The following SUCLG2 variants were observed in gnomAD, a reference collection of about 807,000 sequenced individuals.
The protein encoded by SUCLG2 is succinate--CoA ligase [GDP-forming] subunit beta, mitochondrial.
A neutral mutation model predicts 47.9 loss-of-function variants in SUCLG2; 42 were observed. That is an observed-to-expected ratio of 0.88 (90% confidence interval 0.69 to 1.14). SUCLG2 has a LOEUF of 1.14. SUCLG2 is among the 50% of genes most tolerant of loss of function. SUCLG2 has a pLI of 0.00. For missense variants in SUCLG2, 571 were observed against 525.9 expected (o/e 1.09, Z -0.84); for synonymous variants, 195 against 197.3 (o/e 0.99, Z 0.10).
At chr3:67,393,667 C>T (rs1230876446) in intron 10 of SUCLG2, among the ~76,000 whole-genome samples, 3 of 152,208 alleles carry the variant, frequency 2.0e-5, no homozygotes, top group Non-Finnish European at 4.4e-5. Flanking sequence ...TTGAAGAGAG[C>T]AGTGGTTCTC....
At chr3:67,394,699 C>G (rs1305332039) in intron 10 of SUCLG2, among the ~76,000 whole-genome samples, 1 of 151,090 alleles carries the variant, frequency 6.6e-6, no homozygotes, top group African/African-American at 2.4e-5. Flanking sequence ...TCGAGAAGAG[C>G]AACTCCAAGA....
intron 2 of SUCLG2, among the ~76,000 whole-genome samples, chr3:67,542,153 C>T (rs1250473970): frequency 1.3e-5 from 2 of 152,078 alleles, no homozygotes; most frequent in African/African-American, 2.4e-5. Context: ...GGATTACAGG[C>T]GTGAGCCACC....
At chr3:67,446,600 CT>C (rs58758029) in intron 9 of SUCLG2, among the ~76,000 whole-genome samples, 299 of 139,840 alleles carry the variant, frequency 2.1e-3, no homozygotes, top group Middle Eastern at 7.1e-3. Flanking sequence ...TGGCTAATTT[CT>C]TTTTTTTTTT....
intron 6 of SUCLG2, among the ~76,000 whole-genome samples, chr3:67,513,026 C>A (rs1395253883): frequency 1.3e-5 from 2 of 150,466 alleles, no homozygotes; most frequent in African/African-American, 5.0e-5. Context: ...TATTAGAGAT[C>A]TCTATATACA....
At chr3:67,370,942 A>G (rs1331561385), downstream of SUCLG2, among the ~76,000 whole-genome samples, 2 of 152,160 alleles carry the variant, frequency 1.3e-5, no homozygotes, top group Non-Finnish European at 2.9e-5. Flanking sequence ...AAGGTCCTTC[A>G]AAAATTATTT....
chr3:67,642,790 T>G (rs912893377), intron 1 of SUCLG2, among the ~76,000 whole-genome samples: 10 of 152,138 alleles, frequency 6.6e-5, no homozygotes, highest in African/African-American at 2.4e-4. Context: ...GTGCTTCATT[T>G]CAGGTTATCC....
chr3:67,586,527 T>C (rs951955934), intron 2 of SUCLG2, among the ~76,000 whole-genome samples: 3 of 152,226 alleles, frequency 2.0e-5, no homozygotes, highest in Non-Finnish European at 4.4e-5. Context: ...TCAATTAATC[T>C]ACCCTTCCCA....
chr3:67,570,163 T>A (rs191311528), intron 2 of SUCLG2, among the ~76,000 whole-genome samples: 29 of 152,284 alleles, frequency 1.9e-4, no homozygotes, highest in African/African-American at 6.3e-4. Flanking sequence ...AAGAAAGGCC[T>A]CAGAATGGAA....
chr3:67,524,943 A>G (rs1706214529), intron 4 of SUCLG2, among the ~76,000 whole-genome samples: 1 of 152,190 alleles, frequency 6.6e-6, no homozygotes, highest in African/African-American at 2.4e-5. Context: ...TGGTTTCACT[A>G]GGGAACTTCA....
At chr3:67,550,633 C>T (rs769208182) in intron 2 of SUCLG2, among the ~76,000 whole-genome samples, 2 of 152,124 alleles carry the variant, frequency 1.3e-5, no homozygotes, top group Non-Finnish European at 2.9e-5. Context: ...CCAGCCAAAC[C>T]GTCTCCTTTC....
At chr3:67,581,044 T>C (rs1465542182) in intron 2 of SUCLG2, among the ~76,000 whole-genome samples, 1 of 152,214 alleles carries the variant, frequency 6.6e-6, no homozygotes, top group African/African-American at 2.4e-5. Flanking sequence ...CCTTGTAAGG[T>C]AAATGGTGCT....
At chr3:67,619,630 A>C (rs76585178) in intron 1 of SUCLG2, among the ~76,000 whole-genome samples, 1,961 of 152,314 alleles carry the variant, frequency 0.013, 53 homozygotes, top group African/African-American at 0.045. Flanking sequence ...ACTCGAAAGA[A>C]TTAAGATTCG....
intron 9 of SUCLG2, among the ~76,000 whole-genome samples, chr3:67,481,156 T>C (rs1704904474): frequency 6.6e-6 from 1 of 152,232 alleles, no homozygotes; most frequent in South Asian, 2.1e-4. Context: ...ATAATGCAAA[T>C]TACTAAAAAA....
Position 67,401,657 on chromosome 3 carries a change from C to A in SUCLG2, c.1063-806G>T, listed in dbSNP as rs181847725. 6.3e-4 allele frequency among the ~76,000 whole-genome samples: 94 copies of A among 149,526 alleles called. 4 individuals are homozygous for A. The East Asian group carries it at 0.016, about 26-fold the overall frequency. On this transcript the variant is annotated intron_variant, in intron 9 of 10. Transcript: ENST00000307227. ...AATCCTGTATAATTAACATGAAGAA[C>A]GAGATAATGAAGAGAATTCATTACC...
intron 2 of SUCLG2, among the ~76,000 whole-genome samples, chr3:67,588,607 T>C (rs1708082730): frequency 6.6e-6 from 1 of 152,222 alleles, no homozygotes; most frequent in Non-Finnish European, 1.5e-5. Context: ...CTAAGAATAG[T>C]TATGAAATAC....
chr3:67,490,156 C>T (rs1705169683), intron 9 of SUCLG2, among the ~76,000 whole-genome samples: 2 of 152,156 alleles, frequency 1.3e-5, no homozygotes, highest in South Asian at 2.1e-4. Flanking sequence ...GACAATTTTA[C>T]GGCACCTCAG....
chr3:67,638,265 A>C (rs1273572214), intron 1 of SUCLG2, among the ~76,000 whole-genome samples: 1 of 152,208 alleles, frequency 6.6e-6, no homozygotes, highest in Non-Finnish European at 1.5e-5. Context: ...ATTGCTGCTG[A>C]GTGTCAAAGA....
chr3:67,533,043 G>T (rs1172351613), intron 2 of SUCLG2, among the ~76,000 whole-genome samples: 1 of 152,102 alleles, frequency 6.6e-6, no homozygotes, highest in Non-Finnish European at 1.5e-5. Flanking sequence ...AGCAAGCTTT[G>T]TAAAATGTGG....
chr3:67,433,025 T>C (rs1468996906), intron 9 of SUCLG2, among the ~76,000 whole-genome samples: 5 of 152,180 alleles, frequency 3.3e-5, no homozygotes, highest in African/African-American at 1.2e-4. Context: ...AAAGCTGAGA[T>C]GGTATCTTGT....
Sources: gnomAD v4.1 joint callset for allele counts (sites outside exome capture counted in the v4.1 genomes callset) on GRCh38, gnomAD v4.1.1 for gene constraint, MANE v1.5 for transcripts, NCBI Gene and HGNC (gene_info 2026-07-23, HGNC 2026-07-21) for gene names.